The following ADGRL3 variants were observed in gnomAD, a reference collection of about 807,000 sequenced individuals.
ADGRL3 encodes calcium-independent alpha-latrotoxin receptor 3.
A neutral mutation model predicts 153.5 loss-of-function variants in ADGRL3; 62 were observed. That is an observed-to-expected ratio of 0.40 (90% CI 0.33 to 0.50). The LOEUF (loss-of-function observed/expected upper bound fraction) is 0.50, where lower values mean the gene tolerates loss of function less well. Among genes scored for constraint, ADGRL3 ranks in the 20% least tolerant of loss-of-function variants. The pLI is 0.47. For missense variants in ADGRL3, 1,641 were observed against 1,859.4 expected, an observed-to-expected ratio of 0.88 and a Z score of 2.16; for synonymous variants, 710 against 672.5, an observed-to-expected ratio of 1.06 and a Z score of -0.86.
At chr4:62,052,175 G>A (rs1248626887) in intron 25 of ADGRL3, among the ~76,000 whole-genome samples, 1 of 151,476 alleles carries the variant, frequency 6.6e-6, no homozygotes, top group Non-Finnish European at 1.5e-5. Flanking sequence ...GCCAAACAAG[G>A]TCTTTCAGAC....
intron 1 of ADGRL3, among the ~76,000 whole-genome samples, chr4:61,204,180 A>G (rs1437514658): frequency 1.3e-5 from 2 of 152,126 alleles, no homozygotes; most frequent in African/African-American, 4.8e-5. Flanking sequence ...ATTATTTTTT[A>G]AAGACCTTGA....
At chr4:61,701,979 C>CAAAA (rs2095771630) in intron 6 of ADGRL3, among the ~76,000 whole-genome samples, 2 of 151,974 alleles carry the variant, frequency 1.3e-5, no homozygotes, top group African/African-American at 4.8e-5. Flanking sequence ...GAAGAAAAGT[C>CAAAA]ATGAAACAAG....
chr4:61,538,568 T>C (rs1342816338), intron 4 of ADGRL3, among the ~76,000 whole-genome samples: 1 of 152,104 alleles, frequency 6.6e-6, no homozygotes, highest in Non-Finnish European at 1.5e-5. Context: ...GCCTCATGAG[T>C]AGCTGGGATT....
intron 9 of ADGRL3, among the ~76,000 whole-genome samples, chr4:61,816,382 T>C (rs1212046054): frequency 2.0e-5 from 3 of 152,182 alleles, no homozygotes; most frequent in Non-Finnish European, 4.4e-5. Context: ...TGCCCTGGTG[T>C]CTCTAGGGTG....
chr4:61,291,025 A>G (rs895546699), intron 1 of ADGRL3, among the ~76,000 whole-genome samples: 1 of 152,066 alleles, frequency 6.6e-6, no homozygotes, highest in African/African-American at 2.4e-5. Flanking sequence ...ATCTTGACTG[A>G]AAGGGTAAGT....
chr4:61,456,429 CTATATATATAGATATATCTATATCTA>C (rs2097751310), intron 2 of ADGRL3, among the ~76,000 whole-genome samples: 3 of 34,254 alleles, frequency 8.8e-5, no homozygotes, highest in East Asian at 2.3e-3. Context: ...ATATCTATAT[CTATATATATAGATATATCTATATCTA>C]TATATATAGA....
chr4:62,050,974 A>C (rs1453415868), intron 25 of ADGRL3, among the ~76,000 whole-genome samples: 1 of 151,794 alleles, frequency 6.6e-6, no homozygotes, highest in East Asian at 1.9e-4. Flanking sequence ...TGACATAGGT[A>C]AATTTTTATT....
At chr4:61,253,819 T>G (rs28716885) in intron 1 of ADGRL3, among the ~76,000 whole-genome samples, 3,632 of 152,278 alleles carry the variant, frequency 0.024, 135 homozygotes, top group African/African-American at 0.08. Flanking sequence ...ATAATGAAAG[T>G]GAGCTTCAAA....
chr4:61,590,952 T>C (rs1458187976), intron 5 of ADGRL3, among the ~76,000 whole-genome samples: 2 of 152,166 alleles, frequency 1.3e-5, no homozygotes, highest in Non-Finnish European at 2.9e-5. Context: ...TATTGATGTA[T>C]AATATGCCTA....
At chr4:61,909,271 G>C (rs1258541597) in intron 11 of ADGRL3, among the ~76,000 whole-genome samples, 1 of 152,056 alleles carries the variant, frequency 6.6e-6, no homozygotes, top group African/African-American at 2.4e-5. Flanking sequence ...GAAAATAATA[G>C]GGCAAACCTT....
intron 5 of ADGRL3, among the ~76,000 whole-genome samples, chr4:61,610,125 A>C (rs1304567119): frequency 1.4e-5 from 2 of 140,852 alleles, no homozygotes; most frequent in African/African-American, 5.5e-5. Context: ...TTAGTTTAAA[A>C]TAAGGGAAGT....
intron 21 of ADGRL3, among the ~76,000 whole-genome samples, chr4:62,003,482 T>G (rs2099147503): frequency 6.6e-6 from 1 of 152,166 alleles, no homozygotes; most frequent in South Asian, 2.1e-4. Context: ...CCTTGGCAAG[T>G]AACATCAGAG....
At chr4:61,533,049 C>G (rs1280952039) in intron 4 of ADGRL3, among the ~76,000 whole-genome samples, 1 of 152,084 alleles carries the variant, frequency 6.6e-6, no homozygotes, top group Non-Finnish European at 1.5e-5. Flanking sequence ...ATTCTGAAAG[C>G]AGCCTTAATT....
At chr4:61,644,565 G>C (rs1202397029) in intron 5 of ADGRL3, among the ~76,000 whole-genome samples, 1 of 152,164 alleles carries the variant, frequency 6.6e-6, no homozygotes, top group African/African-American at 2.4e-5. Context: ...TTCAGGAGCA[G>C]CTTGTTCAGT....
At chr4:61,605,289 A>G (rs1208125488) in intron 5 of ADGRL3, among the ~76,000 whole-genome samples, 1 of 152,102 alleles carries the variant, frequency 6.6e-6, no homozygotes, top group African/African-American at 2.4e-5. Flanking sequence ...TTCCACAGAA[A>G]ATAAGGAAGT....
At chr4:61,642,775 T>C (rs1428306332) in intron 5 of ADGRL3, among the ~76,000 whole-genome samples, 2 of 152,202 alleles carry the variant, frequency 1.3e-5, no homozygotes, top group Non-Finnish European at 2.9e-5. Context: ...ATGTGGGCTC[T>C]TTTTTGGTTC....
At chr4:61,512,149 G>T (rs1160160784) in intron 3 of ADGRL3, among the ~76,000 whole-genome samples, 3 of 151,970 alleles carry the variant, frequency 2.0e-5, no homozygotes, top group Non-Finnish European at 4.4e-5. Flanking sequence ...TGGCAGTGAA[G>T]TTGGAATAGA....
intron 9 of ADGRL3, among the ~76,000 whole-genome samples, chr4:61,820,608 C>T (rs946579127): frequency 2.0e-5 from 3 of 152,092 alleles, no homozygotes; most frequent in African/African-American, 4.8e-5. Context: ...ATTATTAAAA[C>T]AAGTTTGTTA....
chr4:61,741,737 A>T (rs1170756502), intron 8 of ADGRL3, among the ~76,000 whole-genome samples: 1 of 152,266 alleles, frequency 6.6e-6, no homozygotes, highest in Non-Finnish European at 1.5e-5. Flanking sequence ...AGCAAAGCTG[A>T]ACTTAACTAT....
Sources: gnomAD v4.1 joint callset for allele counts (sites outside exome capture counted in the v4.1 genomes callset) on GRCh38, gnomAD v4.1.1 for gene constraint, MANE v1.5 for transcripts, NCBI Gene and HGNC (gene_info 2026-07-23, HGNC 2026-07-21) for gene names.